The following BRAF variants were observed in gnomAD, a reference collection of about 807,000 sequenced individuals.
The protein encoded by BRAF is B-Raf proto-oncogene, serine/threonine kinase.
BRAF carries 16 observed loss-of-function variants against 104.6 expected under a neutral mutation model. That is an observed-to-expected ratio of 0.15 (90% CI 0.10 to 0.23). The LOEUF (loss-of-function observed/expected upper bound fraction) is 0.23. Ranked by LOEUF, BRAF falls within the 10% of genes least tolerant of loss-of-function variation. The pLI, the probability that BRAF is intolerant of heterozygous loss-of-function variation, is 1.00. For missense variants in BRAF, 541 were observed against 937.3 expected (o/e 0.58, Z 5.52); for synonymous variants, 310 against 341.6 (o/e 0.91, Z 1.02).
chr7:140,724,225 G>A lies in BRAF; in HGVS notation c.*2269C>T. The A allele has an allele frequency of 1.9e-6, 2 of 1,059,090 alleles. No homozygotes were observed. Among genetic ancestry groups the A allele is most frequent in the Non-Finnish European group, 2.3e-6 (2 of 875,402 alleles). The allele number at this position is 1,059,090 out of a possible 1,614,324, so 65.6% of individuals were successfully genotyped here. The stretch of plus-strand genomic sequence containing the variant: ...CCCCTGCCCCTGCCCCACGGAGGCA[G>A]TCCCGGACCCAGGCTGCACATGTTC... On this transcript the variant is annotated 3_prime_UTR_variant, in exon 20 of 20. Coordinates refer to ENST00000644969, the MANE Select transcript of BRAF (RefSeq NM_001374258.1).
At chr7:140,781,426 T>C (rs770747662) in intron 12 of BRAF, 150 bp downstream of exon 11, 13 of 783,412 alleles carry the variant, frequency 1.7e-5, no homozygotes, top group Non-Finnish European at 1.3e-5. Flanking sequence ...TAATTTTTGT[T>C]AGAAACTTTT....
chr7:140,740,005 T>C, intron 17 of BRAF, 59 bp from the exon 17 acceptor site: 1 of 1,520,482 alleles, frequency 6.6e-7, no homozygotes. Context: ...AAAAATATAC[T>C]TCACACTCAT....
chr7:140,900,248 T>C (rs1388660221), intron 1 of BRAF, among the ~76,000 whole-genome samples: 1 of 152,272 alleles, frequency 6.6e-6, no homozygotes, highest in Admixed American at 6.5e-5. Flanking sequence ...ATGAAAAAAG[T>C]TTCTATTTTC....
At chr7:140,850,017 C>A (rs1808986354) in intron 2 of BRAF, 94 bp downstream of exon 2, 2 of 913,416 alleles carry the variant, frequency 2.2e-6, no homozygotes, top group East Asian at 4.9e-5. Flanking sequence ...CCTAATCCCA[C>A]CTCCTAAAAT....
At chr7:140,716,157 A>G (rs1299054974), downstream of BRAF, among the ~76,000 whole-genome samples, 1 of 152,076 alleles carries the variant, frequency 6.6e-6, no homozygotes, top group East Asian at 1.9e-4. Flanking sequence ...GCCAGTTGAG[A>G]CCTCCTAAAC....
At chr7:140,884,424 A>G (rs1813294806) in intron 1 of BRAF, among the ~76,000 whole-genome samples, 1 of 128,438 alleles carries the variant, frequency 7.8e-6, no homozygotes, top group South Asian at 2.8e-4. Flanking sequence ...ATATATATAT[A>G]AGATATGTGT....
intron 2 of BRAF, among the ~76,000 whole-genome samples, chr7:140,841,016 A>G (rs1330503873): frequency 6.6e-6 from 1 of 151,970 alleles, no homozygotes; most frequent in Non-Finnish European, 1.5e-5. Context: ...TGCCTGGCCT[A>G]AAGAACTCTT....
At chr7:140,752,187 T>C (rs1586009936) in intron 16 of BRAF, among the ~76,000 whole-genome samples, 4 of 152,190 alleles carry the variant, frequency 2.6e-5, no homozygotes, top group South Asian at 4.1e-4. Context: ...GTAAGAAGAA[T>C]AGTACTACAA....
At chr7:140,821,666 C>T (rs1398442766) in intron 3 of BRAF, among the ~76,000 whole-genome samples, 1 of 152,098 alleles carries the variant, frequency 6.6e-6, no homozygotes, top group Non-Finnish European at 1.5e-5. Flanking sequence ...CTGTGGAAAG[C>T]AGTTTGGAAA....
At chr7:140,900,167 ATAAC>A (rs1396589017) in intron 1 of BRAF, among the ~76,000 whole-genome samples, 1 of 152,236 alleles carries the variant, frequency 6.6e-6, no homozygotes, top group African/African-American at 2.4e-5. Flanking sequence ...ACAACAATAG[ATAAC>A]TAATAGTGTG....
chr7:140,874,055 C>T (rs1254718240), intron 1 of BRAF, among the ~76,000 whole-genome samples: 1 of 152,074 alleles, frequency 6.6e-6, no homozygotes, highest in Non-Finnish European at 1.5e-5. Flanking sequence ...TGGGAACACA[C>T]TTCAAAGATT....
intron 1 of BRAF, among the ~76,000 whole-genome samples, chr7:140,856,445 A>G (rs1809790562): frequency 6.6e-6 from 1 of 152,222 alleles, no homozygotes; most frequent in Admixed American, 6.5e-5. Context: ...CAAAGCTAAT[A>G]AATTGCAGAC....
chr7:140,717,593 C>A (rs1363727740), downstream of BRAF, among the ~76,000 whole-genome samples: 1 of 152,198 alleles, frequency 6.6e-6, no homozygotes, highest in Non-Finnish European at 1.5e-5. Flanking sequence ...TCTAGGAGAA[C>A]TATATAACTC....
chr7:140,792,571 C>T (rs1802096556), intron 8 of BRAF, among the ~76,000 whole-genome samples: 1 of 152,166 alleles, frequency 6.6e-6, no homozygotes, highest in African/African-American at 2.4e-5. Flanking sequence ...CCTACTTATT[C>T]ACCATAATCT....
chr7:140,871,299 G>C (rs974478088), intron 1 of BRAF, among the ~76,000 whole-genome samples: 10 of 149,390 alleles, frequency 6.7e-5, no homozygotes, highest in Admixed American at 6.7e-5. Flanking sequence ...ATTTGTATCT[G>C]ATCTAAACCT....
At chr7:140,787,224 C>G (rs1425331891) in intron 9 of BRAF, among the ~76,000 whole-genome samples, 4 of 149,632 alleles carry the variant, frequency 2.7e-5, no homozygotes. Context: ...TGGCGTGAAC[C>G]CGGGAGGCGG....
intron 17 of BRAF, chr7:140,748,900 GAATTT>G (rs1562938925): frequency 6.4e-6 from 1 of 155,088 alleles, no homozygotes; most frequent in African/African-American, 2.4e-5. Context: ...AATTTTAAAA[GAATTT>G]AATATAAAGA....
chr7:140,906,037 G>A (rs13223295), intron 1 of BRAF, among the ~76,000 whole-genome samples: 2 of 124,358 alleles, frequency 1.6e-5, no homozygotes, highest in East Asian at 4.8e-4. Flanking sequence ...GCAGTGAGCC[G>A]AGATCCCGCC....
intron 1 of BRAF, among the ~76,000 whole-genome samples, chr7:140,917,366 GATATGACTTTTATATGACTCCATTT>G (rs1817737560): frequency 6.6e-6 from 1 of 152,140 alleles, no homozygotes; most frequent in African/African-American, 2.4e-5. Context: ...CGGCCCCACT[GATATGACTTTTATATGACTCCATTT>G]ATATGACTTT....
Sources: gnomAD v4.1 joint callset for allele counts (sites outside exome capture counted in the v4.1 genomes callset) on GRCh38, gnomAD v4.1.1 for gene constraint, MANE v1.5 for transcripts, NCBI Gene and HGNC (gene_info 2026-07-23, HGNC 2026-07-21) for gene names.